The following STARD9 variants were observed in gnomAD, a reference collection of about 807,000 sequenced individuals.
STARD9 encodes stAR-related lipid transfer protein 9.
STARD9 carries 346 observed loss-of-function variants against 399.8 expected under a neutral mutation model. The observed-to-expected ratio is 0.87, with a 90% CI of 0.79 to 0.95. STARD9 has a LOEUF of 0.95. Among genes scored for constraint, STARD9 ranks in the 40% least tolerant of loss-of-function variants. STARD9 has a pLI of 0.00. For synonymous variants in STARD9, 2,203 were observed against 2,143.5 expected (o/e 1.03, Z -0.77); for missense variants, 5,832 against 5,667.5 (o/e 1.03, Z -0.93).
At chr15:42,711,642 A>G (rs1189475188) in intron 26 of STARD9, among the ~76,000 whole-genome samples, 1 of 152,194 alleles carries the variant, frequency 6.6e-6, no homozygotes, top group Non-Finnish European at 1.5e-5. Context: ...CATGTTGTAA[A>G]ATATATGAGA....
intron 26 of STARD9, among the ~76,000 whole-genome samples, chr15:42,704,891 A>G (rs145526987): frequency 3.9e-5 from 6 of 152,228 alleles, no homozygotes; most frequent in Non-Finnish European, 7.3e-5. Context: ...GCAGGGCTAC[A>G]CCTGAAGCCT....
At chr15:42,609,902 G>A (rs2058813816) in intron 3 of STARD9, among the ~76,000 whole-genome samples, 1 of 151,900 alleles carries the variant, frequency 6.6e-6, no homozygotes, top group African/African-American at 2.4e-5. Flanking sequence ...AGACCAGCCT[G>A]GCCCATATGG....
chr15:42,711,000 G>A (rs970422690), intron 26 of STARD9, among the ~76,000 whole-genome samples: 5 of 149,136 alleles, frequency 3.4e-5, no homozygotes, highest in African/African-American at 1.2e-4. Flanking sequence ...TTTTTTTTAA[G>A]AGACAGGGTC....
chr15:42,677,817 C>G (rs570049712), intron 20 of STARD9, among the ~76,000 whole-genome samples: 11 of 152,264 alleles, frequency 7.2e-5, no homozygotes, highest in African/African-American at 2.4e-4. Flanking sequence ...CCCCACAGCC[C>G]CTATTGCTGC....
rs2060760025 is a variant in STARD9, at chr15:42,693,328, C to G, written c.11750C>G (p.Ser3917Cys). The G allele has an allele frequency of 6.5e-7, 1 of 1,537,056 alleles. No individual in the cohort carries two copies. Among genetic ancestry groups the G allele is most frequent in the Admixed American group, 2.0e-5 (1 of 50,986 alleles). Residue 3917 changes from serine (S) to cysteine (C), a missense_variant, in exon 23 of 33, where the codon TCT becomes TGT. Physicochemically the swap from Ser to Cys is moderately radical, Grantham distance 112. Transcript: ENST00000290607. Reference protein sequence around the residue: ...STQEPGLSPGSLTLSAPSTHP... With the variant: ...STQEPGLSPGCLTLSAPSTHP... ...CAAGAGCCGGGTCTTTCCCCAGGCTCTTTGACCCTCTCAGCCCCTTCAACT... is the reference window on the plus strand; with the variant it reads ...CAAGAGCCGGGTCTTTCCCCAGGCTGTTTGACCCTCTCAGCCCCTTCAACT...
chr15:42,707,518 G>A (rs1037354010), intron 26 of STARD9, among the ~76,000 whole-genome samples: 1 of 147,156 alleles, frequency 6.8e-6, no homozygotes, highest in African/African-American at 2.5e-5. Context: ...CGCCAAGGCT[G>A]GAGTGCAGTG....
chr15:42,594,796 G>A (rs946047728), intron 3 of STARD9, among the ~76,000 whole-genome samples: 1 of 152,162 alleles, frequency 6.6e-6, no homozygotes, highest in Non-Finnish European at 1.5e-5. Flanking sequence ...GAAAGATCTT[G>A]TTCTTTAGAT....
In STARD9 at chr15:42,684,225, T is replaced by C. The variant is rs1242817131; in HGVS notation, c.2647T>C (p.Tyr883His). Residue 883 changes from tyrosine (Y) to histidine (H), a missense_variant, in exon 23 of 33, where the codon TAC becomes CAC. Tyr to His is a moderately conservative substitution (Grantham distance 83). This residue lies in a region of STARD9 where 5,828 missense variants were observed against 5,651.1 expected (regional missense o/e 1.03). Transcript: ENST00000290607. Reference protein sequence around the residue: ...SEEHLPQAASYPARTGCLRKN... With the variant: ...SEEHLPQAASHPARTGCLRKN... ...AGAGCATTTGCCACAGGCTGCTTCC[T>C]ACCCTGCAAGGACAGGGTGCCTCCG... The C allele has an allele frequency of 3.9e-6, 6 of 1,537,176 alleles. No individual in the cohort carries two copies. In the African/African-American group the frequency reaches 6.8e-5, roughly 18 times the overall value.
Position 42,694,627 on chromosome 15 carries a change from C to T in STARD9, c.12864C>T (p.Leu4288=). ...TTAGCCCTCAGAAACAACTGAGCCT[C>T]CTGCCCAACAAAGATCTCTTCATCT... The part of the protein sequence containing the change: ...RSLSPQKQLS[L]LPNKDLFIWD... Residue 4288 remains leucine (L), a synonymous_variant, in exon 24 of 33, where the codon CTC becomes CTT. Coordinates refer to ENST00000290607, the MANE Select transcript of STARD9 (RefSeq NM_020759.3). 6.5e-7 allele frequency: 1 copy of T among 1,537,204 alleles called. No individual in the cohort carries two copies. Among genetic ancestry groups the T allele is most frequent in the South Asian group, 1.2e-5 (1 of 84,052 alleles).
chr15:42,688,665 G>C lies in STARD9; in HGVS notation c.7087G>C (p.Asp2363His), dbSNP rs1318586745. The change falls in exon 23 of 33, where the codon GAT becomes CAT. Residue 2363 changes from aspartate (D) to histidine (H), a missense_variant. By Grantham distance (81) the Asp-to-His change is moderately conservative. Transcript: ENST00000290607. ...LGISSLDCVL[D>H]LTMLKIHNSP... The stretch of plus-strand genomic sequence containing the variant: ...CATCTCTTCACTTGACTGTGTGCTG[G>C]ATCTCACAATGTTGAAAATTCATAA... The C allele has an allele frequency of 5.2e-6, 8 of 1,537,580 alleles. No homozygotes were observed. Among genetic ancestry groups the C allele is most frequent in the Non-Finnish European group, 6.1e-6 (7 of 1,147,000 alleles).
rs55773330 is a variant in STARD9 at position 42,664,789 on chromosome 15, A to AACACACACAC, written c.1177-437_1177-428dup. ...ATTCATTGGTTTTTGTTTATCCTTT[A>AACACACACAC]ACACACACACACACACACACACACA... On this transcript the variant is annotated intron_variant, in intron 13 of 32. Transcript: ENST00000290607. 8.6e-4 allele frequency among the ~76,000 whole-genome samples: 124 copies of AACACACACAC among 144,824 alleles called. 1 individual carries two copies. Among genetic ancestry groups the AACACACACAC allele is most frequent in the African/African-American group, 3.0e-3 (118 of 39,890 alleles).
intron 3 of STARD9, among the ~76,000 whole-genome samples, chr15:42,612,447 G>A (rs535086148): frequency 6.6e-6 from 1 of 152,250 alleles, no homozygotes; most frequent in South Asian, 2.1e-4. Flanking sequence ...AATCATTTGT[G>A]GTTGTCTTTT....
chr15:42,705,575 C>T (rs567099009), intron 26 of STARD9, among the ~76,000 whole-genome samples: 2 of 152,048 alleles, frequency 1.3e-5, no homozygotes, highest in South Asian at 2.1e-4. Flanking sequence ...CCTGGGACTA[C>T]AGGCATGCAT....
At chr15:42,696,214 C>A (rs6493061) in intron 26 of STARD9, among the ~76,000 whole-genome samples, 59,022 of 152,124 alleles carry the variant, frequency 0.39, 17,532 homozygotes, top group African/African-American at 0.83. Context: ...TGTTTGAAGG[C>A]GGGTTGCTAA....
chr15:42,717,010 G>T lies in STARD9; in HGVS notation c.13456G>T (p.Asp4486Tyr), dbSNP rs1566970110. 1 of 1,537,218 alleles carries T rather than the reference G, an allele frequency of 6.5e-7. No individual in the cohort carries two copies. Among genetic ancestry groups the T allele is most frequent in the Non-Finnish European group, 8.7e-7 (1 of 1,146,886 alleles). Reference sequence around the variant, plus strand: ...GACCTGCTTTTCCTCCTCCTACCAGGATTTGGCCAAGCATGTCGTGGACAC... The same window carrying T: ...GACCTGCTTTTCCTCCTCCTACCAGTATTTGGCCAAGCATGTCGTGGACAC... ...LGTCFSSSYQ[D>Y]LAKHVVDTSM... is the part of the protein sequence containing the mutation. The change falls in exon 28 of 33, where the codon GAT (aspartate) becomes TAT (tyrosine). Residue 4486 changes from aspartate (D) to tyrosine (Y), a missense_variant. Asp to Tyr is a radical substitution (Grantham distance 160). Around this residue, in one of 2 missense-constraint regions of STARD9, gnomAD observed 5,828 missense variants for 5,651.1 expected, o/e 1.03. Transcript: ENST00000290607.
chr15:42,683,242 C>G (rs191261797), intron 22 of STARD9, among the ~76,000 whole-genome samples: 15 of 152,318 alleles, frequency 9.8e-5, no homozygotes, highest in African/African-American at 3.6e-4. Flanking sequence ...GCTCACCTCT[C>G]TGGTCTTCAA....
intron 7 of STARD9, among the ~76,000 whole-genome samples, chr15:42,645,083 T>C (rs2059621288): frequency 6.6e-6 from 1 of 152,216 alleles, no homozygotes; most frequent in African/African-American, 2.4e-5. Flanking sequence ...CTTAAAGTCA[T>C]TCATGAGGGT....
chr15:42,604,626 ATTTTTTTT>A (rs11349330), intron 3 of STARD9, among the ~76,000 whole-genome samples: 114 of 54,748 alleles, frequency 2.1e-3, no homozygotes, highest in African/African-American at 5.1e-3. Context: ...GATCAAATTG[ATTTTTTTT>A]TTTTTTTTTT....
Position 42,681,556 on chromosome 15 carries a change from G to C in STARD9, c.2009G>C (p.Arg670Pro). The change falls in exon 21 of 33, where the codon CGA becomes CCA. Residue 670 changes from arginine (R) to proline (P), a missense_variant. Coordinates refer to ENST00000290607, the MANE Select transcript of STARD9 (RefSeq NM_020759.3). ...CATCAAATCCTAGCAGAAGAGATTC[G>C]AGCTGCGAAGGAACTGGAATTTGAC... ...LRHQILAEEI[R>P]AAKELEFDQA... 7 of 1,537,142 alleles carry C rather than the reference G, an allele frequency of 4.6e-6. No individual in the cohort carries two copies. The highest frequency in any genetic ancestry group is 6.1e-6 in the Non-Finnish European group (7 of 1,146,858).
Sources: allele counts gnomAD v4.1 joint callset (sites outside exome capture counted in the v4.1 genomes callset), GRCh38; gene constraint gnomAD v4.1.1; regional missense constraint gnomAD v4.1.1; transcripts MANE v1.5; gene names NCBI Gene and HGNC (gene_info 2026-07-23, HGNC 2026-07-21).